Variants in LPCAT1 observed in about 807,000 individuals in gnomAD.
The protein encoded by LPCAT1 is lysophosphatidylcholine acyltransferase 1.
In LPCAT1, 23 loss-of-function variants were observed where a neutral mutation model predicts 60.9. That is an observed-to-expected ratio of 0.38 (90% confidence interval 0.27 to 0.53). The LOEUF is 0.53. LPCAT1 is among the 20% of genes least tolerant of loss of function. The pLI, the probability that LPCAT1 is intolerant of heterozygous loss-of-function variation, is 0.82. For synonymous variants in LPCAT1, 340 were observed against 301.1 expected (o/e 1.13, Z -1.34); for missense variants, 622 against 723.6 (o/e 0.86, Z 1.61).
Position 1,523,618 on chromosome 5 carries a change from C to T in LPCAT1, c.135+92G>A. On this transcript the variant is annotated intron_variant, in intron 1 of 13. Coordinates refer to ENST00000283415, the MANE Select transcript of LPCAT1 (RefSeq NM_024830.5). This position sits in a 1 kb window ranked among gnomAD's most constrained non-coding sequence, Gnocchi z 7.1. ...GCAGGGCCGCGCCGCGCCCCAGGCC[C>T]CCTCCCCGGCCCCTCCTCGGCCGCG... 1.1e-6 allele frequency: 1 copy of T among 902,892 alleles called. No homozygotes were observed. The highest frequency in any genetic ancestry group is 1.3e-6 in the Non-Finnish European group (1 of 746,856). The allele number at this position is 902,892 out of a possible 1,614,324, so 55.9% of individuals were successfully genotyped here.
chr5:1,464,733 C>T (rs1734263281), intron 13 of LPCAT1, among the ~76,000 whole-genome samples: 1 of 144,062 alleles, frequency 6.9e-6, no homozygotes, highest in Non-Finnish European at 1.5e-5. Context: ...AACACACATG[C>T]ACGCAGACAC....
intron 12 of LPCAT1, among the ~76,000 whole-genome samples, chr5:1,468,361 G>A (rs866992811): frequency 6.6e-6 from 1 of 152,184 alleles, no homozygotes; most frequent in Non-Finnish European, 1.5e-5. Flanking sequence ...GCCTCAGAAC[G>A]GGCCGGGTCA....
At position 1,483,454 on chromosome 5, in the gene LPCAT1, C is replaced by A; in HGVS notation, c.700G>T (p.Val234Leu). The change falls in exon 6 of 14, where the codon GTG (valine) becomes TTG (leucine). Residue 234 changes from valine (V) to leucine (L), a missense_variant. Physicochemically the swap from Val to Leu is conservative, Grantham distance 32. This residue lies in a region of LPCAT1 where 209 missense variants were observed against 325.5 expected (regional missense o/e 0.64). Transcript: ENST00000283415. This position sits in a 1 kb window ranked among gnomAD's most constrained non-coding sequence, Gnocchi z 9.2. ...AGTTTATTTGGATATCGTAAAACCACAGGCTGGACGGGCGCTCCAGGGATG... is the reference window on the plus strand; with the variant it reads ...AGTTTATTTGGATATCGTAAAACCAAAGGCTGGACGGGCGCTCCAGGGATG... ...AFIPGAPVQPVVLRYPNKLDT... is the reference protein window; with the variant it reads ...AFIPGAPVQPLVLRYPNKLDT... The A allele has an allele frequency of 6.2e-7, 1 of 1,613,788 alleles. No individual in the cohort carries two copies. The highest frequency in any genetic ancestry group is 8.5e-7 in the Non-Finnish European group (1 of 1,180,038).
At chr5:1,486,542 G>A (rs1441487993) in intron 5 of LPCAT1, among the ~76,000 whole-genome samples, 1 of 152,174 alleles carries the variant, frequency 6.6e-6, no homozygotes, top group African/African-American at 2.4e-5. Context: ...GAGGGTCTGA[G>A]TGGGTGGGCC....
chr5:1,466,624 A>T, intron 13 of LPCAT1, 125 bp downstream of exon 13: 1 of 1,070,692 alleles, frequency 9.3e-7, no homozygotes. Context: ...TACACAGGGC[A>T]GCCTGGTGAA....
chr5:1,473,934 G>A (rs370884914), intron 11 of LPCAT1, 23 bp downstream of exon 11: 81 of 1,603,634 alleles, frequency 5.1e-5, no homozygotes, highest in Non-Finnish European at 4.7e-5. Context: ...CCGACACCCC[G>A]CTCCGCAGGC....
Position 1,522,719 on chromosome 5 carries a change from A to G in LPCAT1, c.135+991T>C, listed in dbSNP as rs932519755. ...ATCTTCCCGGAAATCTATTCTCACA[A>G]TTGGAAGCGTGCTCCCTACAAACCG... On this transcript the variant is annotated intron_variant, in intron 1 of 13. Coordinates refer to ENST00000283415, the MANE Select transcript of LPCAT1 (RefSeq NM_024830.5). The surrounding 1 kb of genome is among the most constrained non-coding windows in gnomAD (Gnocchi z 6.8). Among the ~76,000 whole-genome samples, 1 of 152,192 alleles carries G rather than the reference A, an allele frequency of 6.6e-6. No individual in the cohort carries two copies. The highest frequency in any genetic ancestry group is 2.4e-5 in the African/African-American group (1 of 41,450).
chr5:1,491,967 G>A (rs541191347), intron 3 of LPCAT1, among the ~76,000 whole-genome samples: 51 of 152,024 alleles, frequency 3.4e-4, no homozygotes, highest in Middle Eastern at 3.4e-3. Context: ...AGCTGGGACC[G>A]GGGAGATGTC....
intron 13 of LPCAT1, among the ~76,000 whole-genome samples, chr5:1,464,953 TAAC>T (rs1472454257): frequency 2.8e-5 from 4 of 143,530 alleles, no homozygotes; most frequent in African/African-American, 5.3e-5. Context: ...ACACACATGG[TAAC>T]TACACACATG....
At position 1,494,752 on chromosome 5, in the gene LPCAT1, C is replaced by T. The variant is rs765245328; in HGVS notation, c.441G>A (p.Thr147=). 4.3e-6 allele frequency: 7 copies of T among 1,614,120 alleles called. No individual in the cohort carries two copies. The highest frequency in any genetic ancestry group is 2.7e-5 in the African/African-American group (2 of 74,944). ...CTGCCTTCATCACGATGGAGGACATCGTCATGGTCACAGGGATGGCGTCGA... is the reference window on the plus strand; with the variant it reads ...CTGCCTTCATCACGATGGAGGACATTGTCATGGTCACAGGGATGGCGTCGA... ...SYFDAIPVTM[T]MSSIVMKAES... Residue 147 remains threonine, a synonymous_variant, in exon 3 of 14, where the codon ACG becomes ACA. Coordinates refer to ENST00000283415, the MANE Select transcript of LPCAT1 (RefSeq NM_024830.5).
At chr5:1,515,529 C>A (rs1394297066) in intron 1 of LPCAT1, among the ~76,000 whole-genome samples, 1 of 151,246 alleles carries the variant, frequency 6.6e-6, no homozygotes, top group African/African-American at 2.4e-5. Context: ...ACACTACCCG[C>A]AGATACAGGG....
chr5:1,464,643 G>GCA (rs36081788), intron 13 of LPCAT1, among the ~76,000 whole-genome samples: 102 of 147,068 alleles, frequency 6.9e-4, no homozygotes, highest in African/African-American at 1.9e-3. Flanking sequence ...ACACATGCGT[G>GCA]CACACACACA....
At position 1,487,615 on chromosome 5, in the gene LPCAT1, C is replaced by T. The variant is rs190611906; in HGVS notation, c.667+776G>A. Among the ~76,000 whole-genome samples the T allele has an allele frequency of 1.3e-5, 2 of 152,270 alleles. No individual in the cohort carries two copies. The highest frequency in any genetic ancestry group is 1.3e-4 in the Admixed American group (2 of 15,290). ...AGGTTGTGCGGCCCCAGAGGCACGG[C>T]AGCCGGTGCCAGTGTGAGCGAGGAA... On this transcript the variant is annotated intron_variant, in intron 5 of 13. Transcript: ENST00000283415. This position sits in a 1 kb window ranked among gnomAD's most constrained non-coding sequence, Gnocchi z 6.1.
At chr5:1,470,091 C>T (rs1012886713) in intron 12 of LPCAT1, among the ~76,000 whole-genome samples, 19 of 152,268 alleles carry the variant, frequency 1.2e-4, no homozygotes, top group African/African-American at 2.4e-5. Context: ...CATGCAGCTT[C>T]TTGACTCACA....
intron 1 of LPCAT1, among the ~76,000 whole-genome samples, chr5:1,514,565 C>A (rs1248330200): frequency 1.3e-5 from 2 of 152,220 alleles, no homozygotes; most frequent in Non-Finnish European, 2.9e-5. Flanking sequence ...CACCCTGACC[C>A]CCAGGTGTAC....
intron 12 of LPCAT1, among the ~76,000 whole-genome samples, chr5:1,468,432 G>A (rs1255616604): frequency 1.3e-5 from 2 of 152,234 alleles, no homozygotes; most frequent in Admixed American, 6.5e-5. Flanking sequence ...AGCCCCCAGA[G>A]AGCAGTGCCT....
intron 1 of LPCAT1, among the ~76,000 whole-genome samples, chr5:1,519,539 GA>G (rs1294102127): frequency 6.6e-6 from 1 of 152,212 alleles, no homozygotes; most frequent in Non-Finnish European, 1.5e-5. Flanking sequence ...ATGACTTTGA[GA>G]AAAAAGCCAG....
intron 1 of LPCAT1, among the ~76,000 whole-genome samples, chr5:1,517,978 A>C (rs372699472): frequency 6.6e-6 from 1 of 152,258 alleles, no homozygotes; most frequent in South Asian, 2.1e-4. Context: ...TTACTAAAGA[A>C]AGTGGACATC....
At chr5:1,465,796 AC>A (rs1734367280) in intron 13 of LPCAT1, among the ~76,000 whole-genome samples, 1 of 151,996 alleles carries the variant, frequency 6.6e-6, no homozygotes. Context: ...CACTTTCAAT[AC>A]TAAAAGAAGC....
Sources: allele counts gnomAD v4.1 joint callset (sites outside exome capture counted in the v4.1 genomes callset), GRCh38; gene constraint gnomAD v4.1.1; regional missense constraint gnomAD v4.1.1; non-coding constraint Gnocchi (gnomAD v3.1); transcripts MANE v1.5; gene names NCBI Gene and HGNC (gene_info 2026-07-23, HGNC 2026-07-21).